The following NBEA variants were observed in gnomAD, a reference collection of about 807,000 sequenced individuals.
NBEA encodes the protein lysosomal-trafficking regulator 2.
In NBEA, 44 loss-of-function variants were observed where a neutral mutation model predicts 343.4. That is an observed-to-expected ratio of 0.13 (90% CI 0.10 to 0.16). NBEA has a LOEUF of 0.16. Among genes scored for constraint, NBEA ranks in the 10% least tolerant of loss-of-function variants. The pLI is 1.00. For synonymous variants in NBEA, 1,175 were observed against 1,238.7 expected (o/e 0.95, Z 1.08); for missense variants, 2,555 against 3,631.3 (o/e 0.70, Z 7.62).
intron 38 of NBEA, among the ~76,000 whole-genome samples, chr13:35,423,276 G>A (rs532080065): frequency 6.6e-6 from 1 of 152,272 alleles, no homozygotes; most frequent in Admixed American, 6.5e-5. Flanking sequence ...GGATTTTATG[G>A]TTTTAGGTCT....
chr13:34,944,223 G>A (rs1316355237), intron 1 of NBEA, among the ~76,000 whole-genome samples: 1 of 152,166 alleles, frequency 6.6e-6, no homozygotes, highest in African/African-American at 2.4e-5. Flanking sequence ...GGGGTCACAG[G>A]AATATAACAA....
intron 34 of NBEA, among the ~76,000 whole-genome samples, chr13:35,277,661 A>G (rs1407979933): frequency 1.1e-4 from 16 of 149,308 alleles, no homozygotes; most frequent in Admixed American, 1.1e-3. Flanking sequence ...GGGGGAAACA[A>G]CATATGTATG....
intron 1 of NBEA, among the ~76,000 whole-genome samples, chr13:35,040,157 A>G (rs1051909389): frequency 1.3e-5 from 2 of 152,138 alleles, no homozygotes; most frequent in Non-Finnish European, 2.9e-5. Context: ...TTTTTTAAGA[A>G]TGATGCTTTT....
chr13:35,430,902 T>C (rs1463305986), intron 38 of NBEA, among the ~76,000 whole-genome samples: 1 of 152,248 alleles, frequency 6.6e-6, no homozygotes, highest in East Asian at 1.9e-4. Context: ...AGAATTAAGT[T>C]GTAATTATGA....
intron 38 of NBEA, among the ~76,000 whole-genome samples, chr13:35,382,671 T>G (rs987874651): frequency 1.3e-5 from 2 of 152,220 alleles, no homozygotes; most frequent in Non-Finnish European, 2.9e-5. Context: ...ATTCACTTGT[T>G]TTTTAAATCA....
intron 1 of NBEA, among the ~76,000 whole-genome samples, chr13:35,005,932 C>T (rs2061302694): frequency 6.6e-6 from 1 of 152,158 alleles, no homozygotes. Flanking sequence ...GGAACCATTT[C>T]ATAGCCTCCA....
In NBEA at chr13:35,442,163, C is replaced by G. The variant is rs141925167; in HGVS notation, c.6304+9770C>G. Reference sequence around the variant, plus strand: ...TAAAGATAACTGTCTTTATCATTTTCATGTATTTATTTCATGTTAGTCTTT... The same window carrying G: ...TAAAGATAACTGTCTTTATCATTTTGATGTATTTATTTCATGTTAGTCTTT... On this transcript the variant is annotated intron_variant, in intron 39 of 58. Coordinates refer to ENST00000379939, the MANE Select transcript of NBEA (RefSeq NM_001385012.1). Among the ~76,000 whole-genome samples the G allele has an allele frequency of 7.3e-3, 1,104 of 152,136 alleles. 18 individuals are homozygous for G. The highest frequency in any genetic ancestry group is 0.025 in the African/African-American group (1,048 of 41,508).
chr13:35,385,703 TA>T (rs1455300448), intron 38 of NBEA, among the ~76,000 whole-genome samples: 1 of 152,110 alleles, frequency 6.6e-6, no homozygotes, highest in African/African-American at 2.4e-5. Context: ...ATCCTGTCTC[TA>T]AAAATAATAA....
At chr13:35,324,145 C>T (rs2038374117) in intron 36 of NBEA, among the ~76,000 whole-genome samples, 1 of 152,084 alleles carries the variant, frequency 6.6e-6, no homozygotes, top group African/African-American at 2.4e-5. Context: ...GCTACACTAA[C>T]AGGAAGGTAT....
At chr13:35,559,676 G>A (rs1049555196) in intron 44 of NBEA, among the ~76,000 whole-genome samples, 1 of 152,114 alleles carries the variant, frequency 6.6e-6, no homozygotes, top group Non-Finnish European at 1.5e-5. Flanking sequence ...AGCACTTTGG[G>A]AGGCCGAGGC....
intron 41 of NBEA, among the ~76,000 whole-genome samples, chr13:35,502,149 T>C (rs890002586): frequency 2.0e-5 from 3 of 152,074 alleles, no homozygotes; most frequent in Non-Finnish European, 4.4e-5. Flanking sequence ...TGTGCTCTTA[T>C]TGGGGAATGT....
chr13:35,081,815 T>C (rs1398985547), intron 10 of NBEA, among the ~76,000 whole-genome samples: 2 of 152,302 alleles, frequency 1.3e-5, no homozygotes, highest in East Asian at 1.9e-4. Context: ...GCGAAATTTA[T>C]AGGTGTATGT....
chr13:35,014,729 G>C (rs1465023012), intron 1 of NBEA, among the ~76,000 whole-genome samples: 1 of 151,880 alleles, frequency 6.6e-6, no homozygotes, highest in East Asian at 1.9e-4. Context: ...CTTCTTGGTG[G>C]GAGCAGACAC....
At chr13:34,977,897 C>A (rs2060232675) in intron 1 of NBEA, among the ~76,000 whole-genome samples, 1 of 151,980 alleles carries the variant, frequency 6.6e-6, no homozygotes, top group Non-Finnish European at 1.5e-5. Flanking sequence ...TTTACTGTAG[C>A]CTCAAACTCC....
intron 41 of NBEA, among the ~76,000 whole-genome samples, chr13:35,509,018 C>A (rs1185274480): frequency 6.6e-6 from 1 of 152,196 alleles, no homozygotes; most frequent in African/African-American, 2.4e-5. Context: ...CTTTTACCTG[C>A]AGATGGCCTG....
chr13:35,389,414 C>A (rs934780819), intron 38 of NBEA, among the ~76,000 whole-genome samples: 1 of 152,046 alleles, frequency 6.6e-6, no homozygotes, highest in Non-Finnish European at 1.5e-5. Context: ...CTAATCAAAT[C>A]CTTTATTATT....
At chr13:35,666,347 T>C (rs2085353141) in intron 56 of NBEA, among the ~76,000 whole-genome samples, 1 of 151,208 alleles carries the variant, frequency 6.6e-6, no homozygotes, top group African/African-American at 2.4e-5. Context: ...ACACATAGGA[T>C]ATTTTCAGTC....
chr13:35,632,590 C>G (rs2083501180), intron 49 of NBEA, among the ~76,000 whole-genome samples: 2 of 151,606 alleles, frequency 1.3e-5, no homozygotes, highest in Admixed American at 6.6e-5. Context: ...TTCATCAAAA[C>G]CTCACCCCTC....
intron 1 of NBEA, among the ~76,000 whole-genome samples, chr13:34,999,514 C>G (rs1164980608): frequency 1.3e-5 from 2 of 152,038 alleles, no homozygotes; most frequent in African/African-American, 4.8e-5. Context: ...TAAAAATCAC[C>G]TTCTTTCAGC....
Sources: allele counts gnomAD v4.1 joint callset (sites outside exome capture counted in the v4.1 genomes callset), GRCh38; gene constraint gnomAD v4.1.1; transcripts MANE v1.5; gene names NCBI Gene and HGNC (gene_info 2026-07-23, HGNC 2026-07-21).